The following CAST variants were observed in gnomAD, a reference collection of about 807,000 sequenced individuals.
The protein encoded by CAST is MIR583 host.
Under a neutral mutation model 119.6 loss-of-function variants are expected in CAST, and 76 were observed. The ratio of observed to expected loss-of-function variants is 0.64; its 90% CI spans 0.53 to 0.77. The LOEUF is 0.77. Ranked by LOEUF, CAST falls within the 30% of genes least tolerant of loss-of-function variation. CAST has a pLI of 0.00. For missense variants in CAST, 953 were observed against 946.5 expected (o/e 1.01, Z -0.09); for synonymous variants, 319 against 331.6 (o/e 0.96, Z 0.41).
chr5:96,208,250 C>A, the CAST span, among the ~76,000 whole-genome samples: 1 of 149,584 alleles, frequency 6.7e-6, no homozygotes, highest in Non-Finnish European at 1.5e-5. Context: ...GTTAATCTAT[C>A]TTATTTATCA....
the CAST span, among the ~76,000 whole-genome samples, chr5:96,184,179 C>T: frequency 6.6e-6 from 1 of 152,184 alleles, no homozygotes; most frequent in Non-Finnish European, 1.5e-5. Context: ...CATCACAGCA[C>T]TGCAGACATC....
At chr5:96,010,874 G>T in the CAST span, among the ~76,000 whole-genome samples, 2 of 152,230 alleles carry the variant, frequency 1.3e-5, no homozygotes, top group African/African-American at 4.8e-5. Context: ...TTGTAAATGG[G>T]ATTGTGTTCT....
intron 1 of CAST, among the ~76,000 whole-genome samples, chr5:96,557,604 G>A (rs1172608560): frequency 6.6e-6 from 1 of 151,646 alleles, no homozygotes; most frequent in Non-Finnish European, 1.5e-5. Context: ...GATCAAAAGA[G>A]ACAAGGCCAT....
At chr5:96,456,223 A>T in the CAST span, among the ~76,000 whole-genome samples, 1 of 152,240 alleles carries the variant, frequency 6.6e-6, no homozygotes. Flanking sequence ...TTCTTCAAGA[A>T]AAGCTAGACA....
intron 1 of CAST, among the ~76,000 whole-genome samples, chr5:96,547,126 G>T (rs1169024342): frequency 2.2e-5 from 2 of 92,332 alleles, no homozygotes; most frequent in African/African-American, 7.1e-5. Flanking sequence ...GTATATTTGG[G>T]ATAGCACCTG....
chr5:96,481,031 A>T, the CAST span, among the ~76,000 whole-genome samples: 22 of 152,228 alleles, frequency 1.4e-4, no homozygotes, highest in Non-Finnish European at 2.5e-4. Context: ...ATTGAAGCTA[A>T]TGGATACATT....
chr5:96,527,656 C>G (rs1177620855), upstream of CAST, among the ~76,000 whole-genome samples: 1 of 152,142 alleles, frequency 6.6e-6, no homozygotes, highest in East Asian at 1.9e-4. Context: ...GTAATAGCAA[C>G]AATAATAATG....
intron 1 of CAST, among the ~76,000 whole-genome samples, chr5:96,626,066 G>A (rs1332473228): frequency 6.6e-6 from 1 of 151,878 alleles, no homozygotes; most frequent in East Asian, 1.9e-4. Flanking sequence ...TATCCTCCAC[G>A]GACACTTTCC....
At chr5:96,714,591 A>G (rs140241757) in intron 3 of CAST, 2 of 152,314 alleles carry the variant, frequency 1.3e-5, no homozygotes, top group Non-Finnish European at 2.9e-5. Context: ...AAGAAGCAGA[A>G]AGTAGGCTGC....
chr5:96,109,286 A>T, the CAST span, among the ~76,000 whole-genome samples: 1 of 152,228 alleles, frequency 6.6e-6, no homozygotes, highest in Non-Finnish European at 1.5e-5. Flanking sequence ...ATTTTTAAAC[A>T]TGCTTGGCAA....
At chr5:96,031,332 A>G in the CAST span, among the ~76,000 whole-genome samples, 7 of 152,032 alleles carry the variant, frequency 4.6e-5, no homozygotes, top group Non-Finnish European at 8.8e-5. Flanking sequence ...GTGGTAATTA[A>G]CAGATGGTCC....
chr5:96,291,523 T>C, the CAST span, among the ~76,000 whole-genome samples: 1 of 152,156 alleles, frequency 6.6e-6, no homozygotes, highest in Non-Finnish European at 1.5e-5. Context: ...CCAATAACTT[T>C]AGTCTTGGTC....
chr5:96,746,159 C>G lies in CAST; in HGVS notation c.1201-183C>G, dbSNP rs575018219. On this transcript the variant is annotated intron_variant, in intron 16 of 31. Coordinates refer to ENST00000675179, the MANE Select transcript of CAST (RefSeq NM_001750.7). ...GGCTGGGCTACTTTTGCTCAGTCAC[C>G]CACTGCTCCCTTTCTCACAGCTGCC... Among the ~76,000 whole-genome samples, 35 of 152,294 alleles carry G rather than the reference C, an allele frequency of 2.3e-4. 1 individual carries two copies. The East Asian group carries it at 6.8e-3, about 29-fold the overall frequency.
intron 1 of CAST, among the ~76,000 whole-genome samples, chr5:96,603,711 A>T (rs1467040997): frequency 6.6e-6 from 1 of 151,866 alleles, no homozygotes; most frequent in Non-Finnish European, 1.5e-5. Context: ...CGTGTTACAC[A>T]GTCATTATCA....
intron 1 of CAST, among the ~76,000 whole-genome samples, chr5:96,606,986 A>G (rs1473429859): frequency 6.6e-6 from 1 of 152,232 alleles, no homozygotes. Context: ...GATGTGTGCT[A>G]AAGTTTAAGA....
chr5:96,296,794 G>A, the CAST span, among the ~76,000 whole-genome samples: 1 of 152,180 alleles, frequency 6.6e-6, no homozygotes, highest in African/African-American at 2.4e-5. Flanking sequence ...CAGGTTTGGA[G>A]GAAAATGTGT....
chr5:96,019,869 T>C, the CAST span, among the ~76,000 whole-genome samples: 1 of 152,344 alleles, frequency 6.6e-6, no homozygotes, highest in Admixed American at 6.5e-5. Context: ...ATCAGAACTT[T>C]AATGCTTTTG....
chr5:96,514,817 T>A, the CAST span, among the ~76,000 whole-genome samples: 1 of 152,194 alleles, frequency 6.6e-6, no homozygotes, highest in African/African-American at 2.4e-5. Flanking sequence ...AGTGGCACAA[T>A]CTCTGCTCAC....
intron 1 of CAST, among the ~76,000 whole-genome samples, chr5:96,612,712 C>G (rs776639135): frequency 1.3e-5 from 2 of 152,122 alleles, no homozygotes; most frequent in Admixed American, 6.5e-5. Flanking sequence ...TGTTAATATG[C>G]TCTTTCTTAC....
Sources: gnomAD v4.1 joint callset for allele counts (sites outside exome capture counted in the v4.1 genomes callset) on GRCh38, gnomAD v4.1.1 for gene constraint, MANE v1.5 for transcripts, NCBI Gene and HGNC (gene_info 2026-07-23, HGNC 2026-07-21) for gene names.